Variants in PTPRT observed in about 807,000 individuals in gnomAD.
PTPRT encodes the protein receptor-type tyrosine-protein phosphatase T.
Under a neutral mutation model 176.8 loss-of-function variants are expected in PTPRT, and 56 were observed. The observed-to-expected ratio is 0.32, with a 90% CI of 0.26 to 0.40. PTPRT has a LOEUF of 0.40. Among genes scored for constraint, PTPRT ranks in the 10% least tolerant of loss-of-function variants. PTPRT has a pLI of 1.00. For synonymous variants in PTPRT, 783 were observed against 739.0 expected, an observed-to-expected ratio of 1.06 and a Z score of -0.96; for missense variants, 1,540 against 1,908.2, an observed-to-expected ratio of 0.81 and a Z score of 3.60.
chr20:42,393,846 T>C (rs1160764706), intron 9 of PTPRT, among the ~76,000 whole-genome samples: 2 of 152,302 alleles, frequency 1.3e-5, no homozygotes, highest in East Asian at 3.9e-4. Flanking sequence ...TCACATGACA[T>C]CAGAACTGAC....
chr20:43,066,667 C>G (rs2011114839), intron 1 of PTPRT, among the ~76,000 whole-genome samples: 1 of 152,200 alleles, frequency 6.6e-6, no homozygotes, highest in Admixed American at 6.5e-5. Flanking sequence ...CTACCCTGTT[C>G]CAACCTGAAC....
chr20:42,329,504 TACACACAC>T (rs1254341273), intron 11 of PTPRT, among the ~76,000 whole-genome samples: 2 of 121,160 alleles, frequency 1.7e-5, no homozygotes, highest in East Asian at 2.2e-4. Flanking sequence ...CACACACACA[TACACACAC>T]ACACACACAC....
Position 42,274,536 on chromosome 20 carries a change from AGTGTGTGTGTGTGTGTGTGT to A in PTPRT, c.2176+7933_2176+7952del, listed in dbSNP as rs529883269. ...TCTTTACTGTTTCCAGGCCCTGTACAGTGTGTGTGTGTGTGTGTGTGTGTGTGTGTGTGTGTGTGTGTGTG... is the reference window on the plus strand; with the variant it reads ...TCTTTACTGTTTCCAGGCCCTGTACAGTGTGTGTGTGTGTGTGTGTGTGTG... On this transcript the variant is annotated intron_variant, in intron 13 of 30. Transcript: ENST00000373187. Among the ~76,000 whole-genome samples, 136 of 113,340 alleles carry A rather than the reference AGTGTGTGTGTGTGTGTGTGT, an allele frequency of 1.2e-3. 1 individual carries two copies. Among genetic ancestry groups the A allele is most frequent in the African/African-American group, 2.3e-3 (57 of 24,726 alleles). The allele number at this position is 113,340 out of a possible 152,430, so 74.4% of individuals were successfully genotyped here.
chr20:42,572,259 T>C (rs1262638924), intron 7 of PTPRT, among the ~76,000 whole-genome samples: 1 of 152,206 alleles, frequency 6.6e-6, no homozygotes, highest in Non-Finnish European at 1.5e-5. Context: ...ACCATGGGGT[T>C]TAAGTTTCAA....
chr20:42,285,136 C>T (rs1007229814), intron 12 of PTPRT, among the ~76,000 whole-genome samples: 9 of 151,990 alleles, frequency 5.9e-5, no homozygotes, highest in African/African-American at 2.2e-4. Context: ...TGTTGGCTTC[C>T]ATTCCAATAG....
intron 1 of PTPRT, among the ~76,000 whole-genome samples, chr20:42,995,713 A>G (rs963937698): frequency 4.6e-5 from 7 of 152,154 alleles, no homozygotes; most frequent in African/African-American, 1.7e-4. Context: ...CAGAGAAGAA[A>G]TCCCATGTCT....
intron 7 of PTPRT, among the ~76,000 whole-genome samples, chr20:42,508,756 G>T (rs2071895114): frequency 6.6e-6 from 1 of 151,372 alleles, no homozygotes; most frequent in South Asian, 2.1e-4. Context: ...ACTCTAAACA[G>T]GTGAGCTATT....
intron 1 of PTPRT, among the ~76,000 whole-genome samples, chr20:42,958,941 C>A (rs926623407): frequency 5.3e-5 from 8 of 152,190 alleles, no homozygotes; most frequent in East Asian, 1.9e-4. Flanking sequence ...TATGATGCAA[C>A]CTCCACCCTC....
chr20:43,002,463 A>C (rs1322184047), intron 1 of PTPRT, among the ~76,000 whole-genome samples: 1 of 152,222 alleles, frequency 6.6e-6, no homozygotes, highest in Non-Finnish European at 1.5e-5. Context: ...CACTCACTAA[A>C]TCATTATAAA....
chr20:42,557,876 C>A (rs1294658166), intron 7 of PTPRT, among the ~76,000 whole-genome samples: 1 of 152,204 alleles, frequency 6.6e-6, no homozygotes, highest in Non-Finnish European at 1.5e-5. Flanking sequence ...CCCAGGAGAC[C>A]TTTCCCATGG....
At chr20:42,575,825 C>T (rs2073249299) in intron 7 of PTPRT, among the ~76,000 whole-genome samples, 3 of 152,098 alleles carry the variant, frequency 2.0e-5, no homozygotes. Flanking sequence ...CACACCCTCG[C>T]CACACTAGTC....
At chr20:42,710,616 C>G (rs2076129997) in intron 6 of PTPRT, among the ~76,000 whole-genome samples, 2 of 152,262 alleles carry the variant, frequency 1.3e-5, no homozygotes, top group South Asian at 4.1e-4. Flanking sequence ...CTCTGGCCTG[C>G]CACAAGGGCA....
At chr20:42,467,010 T>C (rs2071112687) in intron 8 of PTPRT, among the ~76,000 whole-genome samples, 1 of 152,080 alleles carries the variant, frequency 6.6e-6, no homozygotes, top group African/African-American at 2.4e-5. Flanking sequence ...AGAATGGCAG[T>C]AGAGGATTTC....
At chr20:42,305,636 T>C (rs1216932768) in intron 12 of PTPRT, among the ~76,000 whole-genome samples, 1 of 152,166 alleles carries the variant, frequency 6.6e-6, no homozygotes. Context: ...TATGTGTGTG[T>C]GTGTGTTTTA....
chr20:42,989,777 T>C (rs1182347781), intron 1 of PTPRT, among the ~76,000 whole-genome samples: 2 of 152,208 alleles, frequency 1.3e-5, no homozygotes, highest in South Asian at 2.1e-4. Context: ...TTAAGTATGA[T>C]TTCAACTGGG....
chr20:42,729,544 C>T (rs1490387926), intron 6 of PTPRT, among the ~76,000 whole-genome samples: 4 of 152,148 alleles, frequency 2.6e-5, no homozygotes, highest in Admixed American at 1.3e-4. Flanking sequence ...GCCAGAGTTA[C>T]GGGACTGGGG....
intron 9 of PTPRT, among the ~76,000 whole-genome samples, chr20:42,404,111 C>A (rs1002676300): frequency 6.6e-6 from 1 of 152,212 alleles, no homozygotes. Flanking sequence ...GCTAGATATT[C>A]ACCAAAGCTA....
chr20:42,908,050 C>T (rs1046296084), intron 1 of PTPRT, among the ~76,000 whole-genome samples: 1 of 152,008 alleles, frequency 6.6e-6, no homozygotes, highest in Non-Finnish European at 1.5e-5. Flanking sequence ...GGCAGAGTAG[C>T]CCCCCATGTC....
intron 1 of PTPRT, among the ~76,000 whole-genome samples, chr20:43,122,104 C>T (rs6016961): frequency 1.3e-5 from 2 of 152,176 alleles, no homozygotes; most frequent in African/African-American, 2.4e-5. Flanking sequence ...CTCAGGGTTC[C>T]TGATTCAGTA....
Sources: gnomAD v4.1 joint callset for allele counts (sites outside exome capture counted in the v4.1 genomes callset) on GRCh38, gnomAD v4.1.1 for gene constraint, MANE v1.5 for transcripts, NCBI Gene and HGNC (gene_info 2026-07-23, HGNC 2026-07-21) for gene names.